SOCS2: variants seen among roughly 807,000 people sequenced by gnomAD.
The protein encoded by SOCS2 is CIS-2.
A neutral mutation model predicts 18.6 loss-of-function variants in SOCS2; 10 were observed. That is an observed-to-expected ratio of 0.54 (90% CI 0.33 to 0.91). The LOEUF is 0.91. Ranked by LOEUF, SOCS2 falls within the 40% of genes least tolerant of loss-of-function variation. SOCS2 has a pLI of 0.02. For missense variants in SOCS2, 231 were observed against 247.2 expected, an observed-to-expected ratio of 0.93 and a Z score of 0.44; for synonymous variants, 104 against 104.0, an observed-to-expected ratio of 1.00 and a Z score of 0.00.
At chr12:93,577,725 GT>G (rs561190031), downstream of SOCS2, among the ~76,000 whole-genome samples, 20 of 152,220 alleles carry the variant, frequency 1.3e-4, no homozygotes, top group African/African-American at 4.8e-4. Context: ...TGGCCCAGTG[GT>G]TTTTTTCCCC....
chr12:93,580,723 T>A (rs1467940134), downstream of SOCS2, among the ~76,000 whole-genome samples: 2 of 151,934 alleles, frequency 1.3e-5, no homozygotes, highest in Non-Finnish European at 2.9e-5. Context: ...CCCCTTGCCA[T>A]CTTGATGAAC....
chr12:93,604,913 G>A, the SOCS2 span, among the ~76,000 whole-genome samples: 2 of 151,480 alleles, frequency 1.3e-5, no homozygotes, highest in Admixed American at 6.6e-5. Context: ...CTCCTGCCTT[G>A]GCCCCCGCAA....
the SOCS2 span, among the ~76,000 whole-genome samples, chr12:93,593,130 G>A: frequency 0.066 from 9,997 of 152,094 alleles, 461 homozygotes; most frequent in East Asian, 0.2. Flanking sequence ...ACCAGATTGG[G>A]TGGCCAGTTC....
At chr12:93,619,033 C>T in the SOCS2 span, among the ~76,000 whole-genome samples, 1 of 152,288 alleles carries the variant, frequency 6.6e-6, no homozygotes, top group East Asian at 1.9e-4. Flanking sequence ...GAACCAGGTA[C>T]AGAAACGTGG....
downstream of SOCS2, among the ~76,000 whole-genome samples, chr12:93,587,465 A>C (rs944951428): frequency 6.6e-6 from 1 of 152,116 alleles, no homozygotes; most frequent in Non-Finnish European, 1.5e-5. Context: ...GCAGATCACG[A>C]GGTCAGGAGA....
At chr12:93,620,800 C>T in the SOCS2 span, among the ~76,000 whole-genome samples, 1 of 152,216 alleles carries the variant, frequency 6.6e-6, no homozygotes, top group Non-Finnish European at 1.5e-5. Flanking sequence ...TTAAACACTA[C>T]AATTGTTAAC....
At chr12:93,591,247 A>AC in the SOCS2 span, among the ~76,000 whole-genome samples, 1 of 151,868 alleles carries the variant, frequency 6.6e-6, no homozygotes, top group Admixed American at 6.6e-5. Context: ...TTTTTAAAAA[A>AC]AAAACAAACG....
the SOCS2 span, among the ~76,000 whole-genome samples, chr12:93,596,388 T>C: frequency 6.6e-6 from 1 of 152,238 alleles, no homozygotes; most frequent in Non-Finnish European, 1.5e-5. Flanking sequence ...CTGATTTTAA[T>C]ACCTGATTTA....
At chr12:93,620,140 T>G in the SOCS2 span, among the ~76,000 whole-genome samples, 1 of 151,272 alleles carries the variant, frequency 6.6e-6, no homozygotes, top group Non-Finnish European at 1.5e-5. Flanking sequence ...ATTTTCAATG[T>G]CTTTTTTTGT....
the SOCS2 span, among the ~76,000 whole-genome samples, chr12:93,608,028 G>A: frequency 6.7e-6 from 1 of 148,572 alleles, no homozygotes; most frequent in Non-Finnish European, 1.5e-5. Flanking sequence ...TTGAGACAGG[G>A]CATCATTTAT....
At chr12:93,600,631 A>G in the SOCS2 span, among the ~76,000 whole-genome samples, 1 of 151,796 alleles carries the variant, frequency 6.6e-6, no homozygotes, top group East Asian at 1.9e-4. Flanking sequence ...TCATTTATAG[A>G]GATTTTTTTA....
the SOCS2 span, among the ~76,000 whole-genome samples, chr12:93,612,439 TTTACAAC>T: frequency 6.6e-6 from 1 of 152,194 alleles, no homozygotes; most frequent in East Asian, 1.9e-4. Context: ...TCATTCCATA[TTTACAAC>T]TCCTTGTGAG....
In SOCS2 at chr12:93,574,712, A is replaced by G. The variant is rs1954404089; in HGVS notation, c.140-10A>G. The G allele has an allele frequency of 6.4e-7, 1 of 1,563,756 alleles. No individual in the cohort carries two copies. The highest frequency in any genetic ancestry group is 8.6e-7 in the Non-Finnish European group (1 of 1,157,870). Reference sequence around the variant, plus strand: ...CCTCTTTTCTTTTTCTTTTTGAACAAAAACCCCAGGATGGTACTGGGGAAG... The same window carrying G: ...CCTCTTTTCTTTTTCTTTTTGAACAGAAACCCCAGGATGGTACTGGGGAAG... On this transcript the variant is annotated splice_polypyrimidine_tract_variant and intron_variant, in intron 1 of 1. Coordinates refer to ENST00000551556, the MANE Select transcript of SOCS2 (RefSeq NM_001270471.2).
At chr12:93,614,478 C>CCTTCCTTCCTTTCTTTCTTT in the SOCS2 span, among the ~76,000 whole-genome samples, 10 of 49,436 alleles carry the variant, frequency 2.0e-4, no homozygotes, top group African/African-American at 1.3e-3. Flanking sequence ...TTCCTTCCTT[C>CCTTCCTTCCTTTCTTTCTTT]CTTTCCTTCC....
At chr12:93,601,534 C>G in the SOCS2 span, among the ~76,000 whole-genome samples, 11 of 152,158 alleles carry the variant, frequency 7.2e-5, no homozygotes, top group Admixed American at 2.0e-4. Flanking sequence ...GTCTCGAACT[C>G]CTGAACTCAA....
the SOCS2 span, among the ~76,000 whole-genome samples, chr12:93,625,766 A>T: frequency 6.7e-6 from 1 of 148,784 alleles, no homozygotes; most frequent in East Asian, 2.0e-4. Flanking sequence ...AAAAAAAAAA[A>T]GAGAATTACT....
chr12:93,611,203 C>T, the SOCS2 span, among the ~76,000 whole-genome samples: 1 of 152,016 alleles, frequency 6.6e-6, no homozygotes, highest in Non-Finnish European at 1.5e-5. Flanking sequence ...CTTACATATC[C>T]CTTTTCTAAT....
the SOCS2 span, among the ~76,000 whole-genome samples, chr12:93,615,209 C>T: frequency 6.6e-6 from 1 of 152,214 alleles, no homozygotes; most frequent in South Asian, 2.1e-4. Flanking sequence ...TCTGCACCCA[C>T]CTCAAGACTG....
At chr12:93,603,238 A>G in the SOCS2 span, among the ~76,000 whole-genome samples, 1 of 152,220 alleles carries the variant, frequency 6.6e-6, no homozygotes, top group Non-Finnish European at 1.5e-5. Context: ...CAACAACAGT[A>G]AAAAAACCAC....
Sources: allele counts gnomAD v4.1 joint callset (sites outside exome capture counted in the v4.1 genomes callset), GRCh38; gene constraint gnomAD v4.1.1; transcripts MANE v1.5; gene names NCBI Gene and HGNC (gene_info 2026-07-23, HGNC 2026-07-21).